EPHA6: variants seen among roughly 807,000 people sequenced by gnomAD.
EPHA6 encodes the protein ephrin type-A receptor 6.
In EPHA6, 50 loss-of-function variants were observed where a neutral mutation model predicts 112.0. The observed-to-expected ratio is 0.45, with a 90% CI of 0.36 to 0.56. The LOEUF (loss-of-function observed/expected upper bound fraction) is 0.56, where lower values mean the gene tolerates loss of function less well. Ranked by LOEUF, EPHA6 falls within the 20% of genes least tolerant of loss-of-function variation. The pLI is 0.00. For missense variants in EPHA6, 1,280 were observed against 1,417.4 expected, an observed-to-expected ratio of 0.90 and a Z score of 1.56; for synonymous variants, 529 against 490.7, an observed-to-expected ratio of 1.08 and a Z score of -1.03.
intron 14 of EPHA6, among the ~76,000 whole-genome samples, chr3:97,650,529 A>G (rs1334227476): frequency 6.6e-6 from 1 of 152,082 alleles, no homozygotes; most frequent in African/African-American, 2.4e-5. Context: ...TGATTGATAA[A>G]ATGGTAGCTT....
intron 4 of EPHA6, among the ~76,000 whole-genome samples, chr3:97,230,514 T>A (rs577968972): frequency 6.6e-6 from 1 of 152,298 alleles, no homozygotes; most frequent in Non-Finnish European, 1.5e-5. Context: ...CAAAGAAAGG[T>A]TTAATTCTGT....
At chr3:96,964,279 A>G (rs1194562926) in intron 2 of EPHA6, among the ~76,000 whole-genome samples, 4 of 152,172 alleles carry the variant, frequency 2.6e-5, no homozygotes, top group Admixed American at 6.6e-5. Flanking sequence ...CAATCACAGC[A>G]GCCTGTTAAA....
At chr3:97,537,663 C>A (rs1266858485) in intron 11 of EPHA6, among the ~76,000 whole-genome samples, 1 of 152,158 alleles carries the variant, frequency 6.6e-6, no homozygotes, top group Non-Finnish European at 1.5e-5. Context: ...ACTGCAACCT[C>A]CACCTCCCAG....
At chr3:97,213,502 A>G (rs529084802) in intron 3 of EPHA6, among the ~76,000 whole-genome samples, 5 of 152,286 alleles carry the variant, frequency 3.3e-5, no homozygotes, top group South Asian at 4.1e-4. Context: ...TCTGAGCATT[A>G]TGAGTTCTGA....
chr3:97,447,173 C>T (rs1290343957), intron 6 of EPHA6, among the ~76,000 whole-genome samples: 1 of 152,038 alleles, frequency 6.6e-6, no homozygotes, highest in African/African-American at 2.4e-5. Flanking sequence ...TAAGATAAGA[C>T]TTTTTTCTGA....
chr3:97,341,095 G>A (rs891234031), intron 5 of EPHA6, among the ~76,000 whole-genome samples: 1 of 152,168 alleles, frequency 6.6e-6, no homozygotes, highest in Non-Finnish European at 1.5e-5. Context: ...AGGCCGAGTA[G>A]GTTCAGCTTC....
rs143492571 is a variant in EPHA6 at position 97,534,962 on chromosome 3, G to A, written c.2386+2419G>A. Among the ~76,000 whole-genome samples the A allele has an allele frequency of 3.1e-3, 466 of 151,970 alleles. 1 individual carries two copies. Among genetic ancestry groups the A allele is most frequent in the Non-Finnish European group, 4.0e-3 (271 of 67,932 alleles). On this transcript the variant is annotated intron_variant, in intron 11 of 17. Transcript: ENST00000389672. ...CAATAAATTAAAAGGTTTAAAAAGC[G>A]TCATATCTTTATTTTCTTACTTTAA...
At chr3:97,492,491 G>A (rs987574546) in intron 10 of EPHA6, among the ~76,000 whole-genome samples, 7 of 130,910 alleles carry the variant, frequency 5.3e-5, no homozygotes, top group South Asian at 2.7e-4. Context: ...GTAGTGAACC[G>A]AGATAGTGCC....
chr3:97,483,417 A>G (rs1286782176), intron 9 of EPHA6, among the ~76,000 whole-genome samples: 2 of 152,190 alleles, frequency 1.3e-5, no homozygotes, highest in African/African-American at 2.4e-5. Context: ...CATTATCCCT[A>G]CTGGCCTTTC....
chr3:97,463,598 A>T (rs934990867), intron 7 of EPHA6, among the ~76,000 whole-genome samples: 6 of 152,154 alleles, frequency 3.9e-5, no homozygotes, highest in African/African-American at 1.4e-4. Flanking sequence ...TATAGAAGCC[A>T]TTGAGGAAAA....
intron 11 of EPHA6, chr3:97,559,481 C>T (rs1246848612): frequency 6.3e-6 from 2 of 316,350 alleles, no homozygotes; most frequent in Admixed American, 4.4e-5. Context: ...AATTCTGAAT[C>T]AGCAGACAGA....
At chr3:97,447,392 A>G (rs1560018923) in intron 6 of EPHA6, among the ~76,000 whole-genome samples, 1 of 152,182 alleles carries the variant, frequency 6.6e-6, no homozygotes, top group Non-Finnish European at 1.5e-5. Flanking sequence ...CATCAAATGA[A>G]TGATTCAACT....
chr3:97,345,132 T>C (rs1051921266), intron 5 of EPHA6, among the ~76,000 whole-genome samples: 9 of 152,070 alleles, frequency 5.9e-5, no homozygotes, highest in Non-Finnish European at 1.2e-4. Flanking sequence ...TTATTTCACA[T>C]GTACATAACA....
chr3:97,430,975 C>A (rs1431723453), intron 6 of EPHA6, among the ~76,000 whole-genome samples: 1 of 151,842 alleles, frequency 6.6e-6, no homozygotes, highest in African/African-American at 2.4e-5. Flanking sequence ...CGTACTGATT[C>A]TATATTTTTA....
intron 5 of EPHA6, among the ~76,000 whole-genome samples, chr3:97,394,117 A>G (rs567921037): frequency 6.6e-6 from 1 of 151,822 alleles, no homozygotes; most frequent in African/African-American, 2.4e-5. Flanking sequence ...ATCTCCATCT[A>G]TTTGCAGCCA....
chr3:97,568,990 A>C (rs1272925462), intron 11 of EPHA6, among the ~76,000 whole-genome samples: 1 of 152,204 alleles, frequency 6.6e-6, no homozygotes, highest in Non-Finnish European at 1.5e-5. Context: ...GGGTAATAAG[A>C]TATTGAAAAC....
intron 2 of EPHA6, among the ~76,000 whole-genome samples, chr3:96,953,255 T>A (rs1334373610): frequency 6.6e-6 from 1 of 152,172 alleles, no homozygotes. Flanking sequence ...AAATGTATAT[T>A]TCTAATTATG....
intron 13 of EPHA6, among the ~76,000 whole-genome samples, chr3:97,617,129 T>C (rs2093773442): frequency 6.6e-6 from 1 of 152,038 alleles, no homozygotes; most frequent in African/African-American, 2.4e-5. Context: ...GCATTCAACA[T>C]TGTTAAAGGA....
chr3:97,192,011 G>A (rs2077319242), intron 3 of EPHA6, among the ~76,000 whole-genome samples: 1 of 151,960 alleles, frequency 6.6e-6, no homozygotes. Flanking sequence ...CTGTCTTTTG[G>A]ATAAAAGTTA....
Sources: allele counts gnomAD v4.1 joint callset (sites outside exome capture counted in the v4.1 genomes callset), GRCh38; gene constraint gnomAD v4.1.1; transcripts MANE v1.5; gene names NCBI Gene and HGNC (gene_info 2026-07-23, HGNC 2026-07-21).